The following DOCK3 variants were observed in gnomAD, a reference collection of about 807,000 sequenced individuals.
DOCK3 encodes the protein dedicator of cytokinesis 3.
In DOCK3, 60 loss-of-function variants were observed where a neutral mutation model predicts 265.6. That is an observed-to-expected ratio of 0.23 (90% CI 0.18 to 0.28). The LOEUF (loss-of-function observed/expected upper bound fraction) is 0.28, where lower values mean the gene tolerates loss of function less well. Ranked by LOEUF, DOCK3 falls within the 10% of genes least tolerant of loss-of-function variation. The pLI, the probability that DOCK3 is intolerant of heterozygous loss-of-function variation, is 1.00. For synonymous variants in DOCK3, 881 were observed against 938.0 expected, an observed-to-expected ratio of 0.94 and a Z score of 1.11; for missense variants, 1,981 against 2,594.3, an observed-to-expected ratio of 0.76 and a Z score of 5.14.
chr3:51,377,742 T>C (rs2088253420), intron 51 of DOCK3, among the ~76,000 whole-genome samples: 1 of 152,206 alleles, frequency 6.6e-6, no homozygotes, highest in South Asian at 2.1e-4. Context: ...GCAGGCACCC[T>C]TTTGTAAACC....
chr3:51,181,605 T>TTTATATG (rs1332351431), intron 12 of DOCK3, among the ~76,000 whole-genome samples: 1 of 152,172 alleles, frequency 6.6e-6, no homozygotes, highest in Admixed American at 6.5e-5. Context: ...TAATAGCCTA[T>TTTATATG]TTAATAACAT....
intron 2 of DOCK3, among the ~76,000 whole-genome samples, chr3:50,806,524 G>C (rs111822664): frequency 1.3e-5 from 2 of 150,980 alleles, no homozygotes; most frequent in Admixed American, 1.3e-4. Context: ...CTTGGGGGAG[G>C]GTGGGTAAGG....
chr3:50,855,710 T>C (rs563302311), intron 3 of DOCK3, among the ~76,000 whole-genome samples: 52 of 152,298 alleles, frequency 3.4e-4, no homozygotes, highest in Middle Eastern at 3.4e-3. Context: ...GGGATACATG[T>C]GCAGGTATGT....
At chr3:50,857,036 GATTA>G (rs1328722831) in intron 3 of DOCK3, among the ~76,000 whole-genome samples, 2 of 152,168 alleles carry the variant, frequency 1.3e-5, no homozygotes, top group Non-Finnish European at 2.9e-5. Context: ...TTTTGATAGT[GATTA>G]ATTATCTTTT....
At chr3:50,916,862 A>T (rs2050156286) in intron 4 of DOCK3, among the ~76,000 whole-genome samples, 1 of 151,838 alleles carries the variant, frequency 6.6e-6, no homozygotes, top group Non-Finnish European at 1.5e-5. Context: ...AAAAAAAAAA[A>T]AAAGTAGTTG....
chr3:51,211,992 C>T (rs903812417), intron 13 of DOCK3, among the ~76,000 whole-genome samples: 1 of 152,156 alleles, frequency 6.6e-6, no homozygotes, highest in African/African-American at 2.4e-5. Flanking sequence ...GGTCACTTTA[C>T]TGAACTATTC....
chr3:50,816,643 A>G (rs1438063464), intron 2 of DOCK3, among the ~76,000 whole-genome samples: 1 of 151,940 alleles, frequency 6.6e-6, no homozygotes, highest in African/African-American at 2.4e-5. Flanking sequence ...TGTTACTTGA[A>G]TGGTGCCTCT....
chr3:50,992,928 C>T (rs1224363303), intron 5 of DOCK3, among the ~76,000 whole-genome samples: 2 of 152,164 alleles, frequency 1.3e-5, no homozygotes, highest in African/African-American at 2.4e-5. Context: ...CTGATGGATT[C>T]ACAGCCTAAA....
At chr3:50,819,017 AT>A (rs2044252020) in intron 2 of DOCK3, among the ~76,000 whole-genome samples, 1 of 62,574 alleles carries the variant, frequency 1.6e-5, no homozygotes, top group Admixed American at 1.1e-4. Flanking sequence ...TTGAGATATT[AT>A]TTGTTTTTTA....
At chr3:51,083,474 G>GA (rs1161810879) in intron 7 of DOCK3, among the ~76,000 whole-genome samples, 4 of 151,858 alleles carry the variant, frequency 2.6e-5, no homozygotes, top group African/African-American at 9.7e-5. Flanking sequence ...TGAAATCCCT[G>GA]AAAAATAATT....
At chr3:51,193,542 C>T (rs997533959) in intron 12 of DOCK3, among the ~76,000 whole-genome samples, 2 of 152,068 alleles carry the variant, frequency 1.3e-5, no homozygotes, top group African/African-American at 4.8e-5. Flanking sequence ...TCCATCTGGT[C>T]CTGGGCTTTT....
At chr3:51,014,765 C>A (rs1251873524) in intron 5 of DOCK3, among the ~76,000 whole-genome samples, 1 of 152,046 alleles carries the variant, frequency 6.6e-6, no homozygotes, top group Admixed American at 6.6e-5. Context: ...TTAACAATAT[C>A]AATTCTTCCA....
intron 4 of DOCK3, among the ~76,000 whole-genome samples, chr3:50,931,517 G>C (rs781064548): frequency 6.6e-6 from 1 of 152,194 alleles, no homozygotes; most frequent in Non-Finnish European, 1.5e-5. Flanking sequence ...ATAACCAGTA[G>C]CTTGAAGAAA....
chr3:51,195,235 T>C (rs1008009624), intron 12 of DOCK3, among the ~76,000 whole-genome samples: 7 of 152,176 alleles, frequency 4.6e-5, no homozygotes, highest in Admixed American at 4.6e-4. Flanking sequence ...AGTGTCATTA[T>C]TGATATGTGG....
intron 6 of DOCK3, among the ~76,000 whole-genome samples, chr3:51,065,420 A>G (rs1341414306): frequency 6.6e-6 from 1 of 152,204 alleles, no homozygotes; most frequent in East Asian, 1.9e-4. Context: ...AAAGTAGATG[A>G]AAGATTAATG....
intron 23 of DOCK3, among the ~76,000 whole-genome samples, chr3:51,262,148 C>T (rs553462993): frequency 1.3e-4 from 20 of 152,316 alleles, no homozygotes; most frequent in Middle Eastern, 3.4e-3. Context: ...GGATGACAGA[C>T]GCCTCATACG....
At chr3:51,022,425 C>T (rs1355518702) in intron 5 of DOCK3, among the ~76,000 whole-genome samples, 1 of 152,108 alleles carries the variant, frequency 6.6e-6, no homozygotes, top group Non-Finnish European at 1.5e-5. Flanking sequence ...GGCTTGATGT[C>T]TTTCTTTGAC....
intron 5 of DOCK3, among the ~76,000 whole-genome samples, chr3:50,977,449 T>G (rs1170903946): frequency 1.3e-5 from 2 of 152,204 alleles, no homozygotes; most frequent in South Asian, 4.1e-4. Flanking sequence ...AATTCTTTTC[T>G]TTAAGAATGT....
intron 5 of DOCK3, among the ~76,000 whole-genome samples, chr3:50,968,208 C>T (rs2077089067): frequency 1.3e-5 from 2 of 152,158 alleles, no homozygotes; most frequent in Non-Finnish European, 2.9e-5. Flanking sequence ...TCTCTGCCAC[C>T]CAGGCTGGAG....
Sources: allele counts gnomAD v4.1 joint callset (sites outside exome capture counted in the v4.1 genomes callset), GRCh38; gene constraint gnomAD v4.1.1; transcripts MANE v1.5; gene names NCBI Gene and HGNC (gene_info 2026-07-23, HGNC 2026-07-21).